The following STAU2 variants were observed in gnomAD, a reference collection of about 807,000 sequenced individuals.
STAU2 encodes double-stranded RNA-binding protein Staufen homolog 2.
In STAU2, 20 loss-of-function variants were observed where a neutral mutation model predicts 65.9. That is an observed-to-expected ratio of 0.30 (90% confidence interval 0.21 to 0.44). The LOEUF is 0.44. Among genes scored for constraint, STAU2 ranks in the 20% least tolerant of loss-of-function variants. STAU2 has a pLI of 1.00. For synonymous variants in STAU2, 232 were observed against 233.9 expected (o/e 0.99, Z 0.07); for missense variants, 558 against 683.9 (o/e 0.82, Z 2.05).
At chr8:73,462,580 T>C (rs1054324762) in intron 13 of STAU2, among the ~76,000 whole-genome samples, 20 of 151,698 alleles carry the variant, frequency 1.3e-4, no homozygotes, top group Non-Finnish European at 2.5e-4. Flanking sequence ...ATTTTTTTTA[T>C]AGAGAAAGGG....
chr8:73,548,865 T>C (rs918152421), intron 13 of STAU2, among the ~76,000 whole-genome samples: 1 of 152,168 alleles, frequency 6.6e-6, no homozygotes, highest in African/African-American at 2.4e-5. Flanking sequence ...AATAATCCAC[T>C]TTCATTTTCA....
At chr8:73,717,014 T>C (rs927159313) in intron 3 of STAU2, among the ~76,000 whole-genome samples, 1 of 151,984 alleles carries the variant, frequency 6.6e-6, no homozygotes, top group African/African-American at 2.4e-5. Context: ...GGCACAAGAA[T>C]CACTTGAGCC....
chr8:73,668,275 G>C lies in STAU2; in HGVS notation c.410+4832C>G, dbSNP rs141181328. Among the ~76,000 whole-genome samples the C allele has an allele frequency of 6.6e-3, 1,012 of 152,246 alleles. 8 individuals are homozygous for C. Among genetic ancestry groups the C allele is most frequent in the African/African-American group, 0.023 (966 of 41,548 alleles). ...AACAAGAGCTAGAAAGAGAGAAATA[G>C]AAAATGAGGAAGAACAACACTAAAG... On this transcript the variant is annotated intron_variant, in intron 6 of 14. Transcript: ENST00000524300.
chr8:73,536,897 T>C (rs1806219855), intron 13 of STAU2, among the ~76,000 whole-genome samples: 1 of 152,018 alleles, frequency 6.6e-6, no homozygotes, highest in South Asian at 2.1e-4. Context: ...CAGTAGAAAA[T>C]CACCCTTATA....
intron 13 of STAU2, among the ~76,000 whole-genome samples, chr8:73,447,895 G>T (rs943663161): frequency 6.6e-6 from 1 of 152,164 alleles, no homozygotes; most frequent in Non-Finnish European, 1.5e-5. Flanking sequence ...TCTGGAAAGC[G>T]ACAGCAGGGC....
chr8:73,742,261 G>A, intron 1 of STAU2: 1 of 985,220 alleles, frequency 1.0e-6, no homozygotes, highest in Non-Finnish European at 1.2e-6. Flanking sequence ...AGCTGGGTGT[G>A]GTGGCTCACG....
chr8:73,725,689 T>C (rs910460198), intron 3 of STAU2, among the ~76,000 whole-genome samples: 5 of 152,212 alleles, frequency 3.3e-5, no homozygotes, highest in Admixed American at 2.0e-4. Context: ...CCCAGCCCTT[T>C]GGGAGGCCGA....
intron 4 of STAU2, among the ~76,000 whole-genome samples, chr8:73,708,609 C>T (rs1820678659): frequency 6.6e-6 from 1 of 152,046 alleles, no homozygotes; most frequent in South Asian, 2.1e-4. Flanking sequence ...CACTAGGTAA[C>T]TGTTGGTATA....
rs528779291 is a variant in STAU2 at position 73,638,168 on chromosome 8, T to C, written c.411-20717A>G. Among the ~76,000 whole-genome samples, 26 of 152,098 alleles carry C rather than the reference T, an allele frequency of 1.7e-4. 1 individual carries two copies. In the East Asian group the frequency reaches 4.4e-3, roughly 26 times the overall value. ...GGGTAACTGGAATGCAGGGGTGGCATAGTATTTACATTAATATTTGAATTT... is the reference window on the plus strand; with the variant it reads ...GGGTAACTGGAATGCAGGGGTGGCACAGTATTTACATTAATATTTGAATTT... On this transcript the variant is annotated intron_variant, in intron 6 of 14. Coordinates refer to ENST00000524300, the MANE Select transcript of STAU2 (RefSeq NM_001164380.2).
At chr8:73,440,882 C>G (rs1420683566) in intron 13 of STAU2, 2 of 152,356 alleles carry the variant, frequency 1.3e-5, no homozygotes, top group African/African-American at 4.8e-5. Context: ...GTGCTCCCAG[C>G]CCACGGATCA....
chr8:73,575,559 G>A (rs968508335), intron 12 of STAU2, among the ~76,000 whole-genome samples: 1 of 151,954 alleles, frequency 6.6e-6, no homozygotes, highest in Non-Finnish European at 1.5e-5. Flanking sequence ...GCAGATAATA[G>A]GAAAATACTA....
At chr8:73,687,500 GT>G (rs1387730406) in intron 5 of STAU2, among the ~76,000 whole-genome samples, 1 of 133,392 alleles carries the variant, frequency 7.5e-6, no homozygotes, top group African/African-American at 2.8e-5. Flanking sequence ...ATAAAATATA[GT>G]TTTTTATATA....
chr8:73,464,324 G>A (rs1819532166), intron 13 of STAU2, among the ~76,000 whole-genome samples: 1 of 152,146 alleles, frequency 6.6e-6, no homozygotes, highest in South Asian at 2.1e-4. Flanking sequence ...GAAGGTCCTT[G>A]CGGCTGCTTA....
In STAU2 at chr8:73,430,754, C is replaced by T. The variant is rs145196084; in HGVS notation, c.1531-8052G>A. On this transcript the variant is annotated intron_variant, in intron 13 of 14. Transcript: ENST00000524300. ...AGAAGATGGTAAAATCAACAATATC[C>T]TCATGTTTAAACTACTCTAACAGAA... Among the ~76,000 whole-genome samples, 233 of 152,294 alleles carry T rather than the reference C, an allele frequency of 1.5e-3. 1 individual carries two copies. Among genetic ancestry groups the T allele is most frequent in the South Asian group, 5.0e-3 (24 of 4,828 alleles).
In STAU2 at chr8:73,552,237, A is replaced by G; in HGVS notation, c.1305T>C (p.Thr435=). Residue 435 remains threonine, a synonymous_variant, in exon 13 of 15, where the codon ACT becomes ACC. Coordinates refer to ENST00000524300, the MANE Select transcript of STAU2 (RefSeq NM_001164380.2). The stretch of plus-strand genomic sequence containing the variant: ...TATCTTTGGGTGACAAATAGCCTAG[A>G]GTAGTGCCAGAGATTACTTTGTGGC... The part of the protein sequence containing the change: ...ASRHKVISGT[T]LGYLSPKDMN... The G allele has an allele frequency of 1.2e-6, 2 of 1,614,018 alleles. No individual in the cohort carries two copies. The highest frequency in any genetic ancestry group is 2.2e-5 in the South Asian group (2 of 91,074).
intron 6 of STAU2, among the ~76,000 whole-genome samples, chr8:73,646,417 G>A (rs944190786): frequency 6.6e-6 from 1 of 152,186 alleles, no homozygotes; most frequent in African/African-American, 2.4e-5. Context: ...CCCAGAAACA[G>A]ACCCACACTA....
At chr8:73,460,835 T>C (rs1819315916) in intron 13 of STAU2, among the ~76,000 whole-genome samples, 1 of 152,252 alleles carries the variant, frequency 6.6e-6, no homozygotes. Flanking sequence ...TATGGTAGGT[T>C]GGTCACATCC....
intron 13 of STAU2, among the ~76,000 whole-genome samples, chr8:73,481,513 A>AAAC (rs1209578524): frequency 4.5e-5 from 4 of 88,008 alleles, no homozygotes; most frequent in Admixed American, 1.5e-4. Flanking sequence ...AAAAACAAAA[A>AAAC]AACAAAAAAA....
chr8:73,700,413 TA>T (rs1481473840), intron 4 of STAU2, among the ~76,000 whole-genome samples: 1 of 151,952 alleles, frequency 6.6e-6, no homozygotes. Flanking sequence ...ATCTTATATT[TA>T]AAAAAACCTA....
Sources: gnomAD v4.1 joint callset for allele counts (sites outside exome capture counted in the v4.1 genomes callset) on GRCh38, gnomAD v4.1.1 for gene constraint, MANE v1.5 for transcripts, NCBI Gene and HGNC (gene_info 2026-07-23, HGNC 2026-07-21) for gene names.